The following OR1J2 variants were observed in gnomAD, a reference collection of about 807,000 sequenced individuals.
The protein encoded by OR1J2 is olfactory receptor 1J2.
For missense variants in OR1J2, 304 were observed against 246.1 expected (o/e 1.24, Z -1.57); for synonymous variants, 142 against 99.7 (o/e 1.42, Z -2.52).
chr9:122,559,004 G>C, the OR1J2 span, among the ~76,000 whole-genome samples: 1 of 151,968 alleles, frequency 6.6e-6, no homozygotes, highest in Non-Finnish European at 1.5e-5. Context: ...ATCAAACTAG[G>C]ATAATTCACA....
Position 122,510,937 on chromosome 9 carries a change from A to G in OR1J2, c.136A>G (p.Met46Val), listed in dbSNP as rs1472251374. 6.2e-7 allele frequency: 1 copy of G among 1,612,488 alleles called. No individual in the cohort carries two copies. The highest frequency in any genetic ancestry group is 1.7e-5 in the Admixed American group (1 of 60,004). The change falls in exon 1 of 1, where the codon ATG becomes GTG. Residue 46 changes from methionine (M) to valine (V), a missense_variant. Physicochemically the swap from Met to Val is conservative, Grantham distance 21 (BLOSUM62 1). Transcript: ENST00000335302. ...LTTVLGNLLI[M>V]LLIQLDSHLH... Reference sequence around the variant, plus strand: ...CACGGTGCTGGGGAACCTGCTCATCATGCTGCTCATCCAGCTGGACTCTCA... The same window carrying G: ...CACGGTGCTGGGGAACCTGCTCATCGTGCTGCTCATCCAGCTGGACTCTCA...
the OR1J2 span, among the ~76,000 whole-genome samples, chr9:122,497,743 C>G: frequency 6.6e-6 from 1 of 152,030 alleles, no homozygotes; most frequent in Non-Finnish European, 1.5e-5. Flanking sequence ...TCTAGTTCCT[C>G]TAAGTGTGAT....
chr9:122,508,175 G>A (rs1211536002), upstream of OR1J2, among the ~76,000 whole-genome samples: 2 of 148,880 alleles, frequency 1.3e-5, no homozygotes, highest in African/African-American at 5.0e-5. Context: ...AGGAGAAGAA[G>A]GAGAAGGGGA....
the OR1J2 span, among the ~76,000 whole-genome samples, chr9:122,474,500 T>G: frequency 3.9e-5 from 6 of 152,162 alleles, no homozygotes; most frequent in African/African-American, 1.4e-4. Context: ...GGCTAGTTGA[T>G]CAATGATATT....
At chr9:122,575,153 G>T in the OR1J2 span, among the ~76,000 whole-genome samples, 1 of 152,000 alleles carries the variant, frequency 6.6e-6, no homozygotes, top group Non-Finnish European at 1.5e-5. Context: ...CAGGTTTATA[G>T]TTTTCTTATA....
chr9:122,512,842 C>T (rs1828655840), downstream of OR1J2, among the ~76,000 whole-genome samples: 1 of 152,180 alleles, frequency 6.6e-6, no homozygotes, highest in African/African-American at 2.4e-5. Flanking sequence ...TTTCTAATGT[C>T]ACTCAAAATG....
chr9:122,549,686 A>G, the OR1J2 span, among the ~76,000 whole-genome samples: 1 of 151,938 alleles, frequency 6.6e-6, no homozygotes, highest in Non-Finnish European at 1.5e-5. Flanking sequence ...ATGTGGCTTT[A>G]TTTCCAGGTT....
chr9:122,559,954 G>A, the OR1J2 span, among the ~76,000 whole-genome samples: 1 of 152,152 alleles, frequency 6.6e-6, no homozygotes, highest in South Asian at 2.1e-4. Flanking sequence ...CTATTATTGT[G>A]TAGGTGTCTA....
At chr9:122,482,707 G>C in the OR1J2 span, among the ~76,000 whole-genome samples, 1 of 152,120 alleles carries the variant, frequency 6.6e-6, no homozygotes, top group African/African-American at 2.4e-5. Context: ...TGTCAGTGTG[G>C]CAACATGGAT....
the OR1J2 span, among the ~76,000 whole-genome samples, chr9:122,480,791 T>G: frequency 6.6e-6 from 1 of 151,960 alleles, no homozygotes; most frequent in Non-Finnish European, 1.5e-5. Flanking sequence ...TTTTTTATTT[T>G]ATTTTATTTT....
At chr9:122,553,498 C>T in the OR1J2 span, 35 of 1,613,956 alleles carry the variant, frequency 2.2e-5, no homozygotes, top group Non-Finnish European at 2.5e-5. Context: ...CAGATCATCT[C>T]GTATTCTGGG....
chr9:122,552,001 T>A, the OR1J2 span, among the ~76,000 whole-genome samples: 28,325 of 144,100 alleles, frequency 0.2, 3,117 homozygotes, highest in Middle Eastern at 0.24. Context: ...TGATCCATAA[T>A]CTGACAGGTG....
chr9:122,488,453 C>T, the OR1J2 span, among the ~76,000 whole-genome samples: 1 of 152,196 alleles, frequency 6.6e-6, no homozygotes. Flanking sequence ...CAGACTTCCT[C>T]CTTCCCACAT....
the OR1J2 span, among the ~76,000 whole-genome samples, chr9:122,564,953 T>G: frequency 7.9e-5 from 11 of 139,884 alleles, no homozygotes; most frequent in East Asian, 2.2e-3. Context: ...ATTGTGCCAA[T>G]TAGACCTAGT....
chr9:122,546,264 T>C, the OR1J2 span, among the ~76,000 whole-genome samples: 1 of 152,176 alleles, frequency 6.6e-6, no homozygotes, highest in Non-Finnish European at 1.5e-5. Flanking sequence ...GTGCAGGCTG[T>C]GGCAAATTAA....
chr9:122,548,784 T>C, the OR1J2 span, among the ~76,000 whole-genome samples: 1 of 85,142 alleles, frequency 1.2e-5, no homozygotes. Context: ...CGGTGTGTGA[T>C]GTTCCCCTTC....
the OR1J2 span, chr9:122,527,049 T>C: frequency 2.5e-6 from 4 of 1,614,182 alleles, no homozygotes; most frequent in Non-Finnish European, 2.5e-6. Flanking sequence ...AGTCTGTATA[T>C]TCACCAGCAT....
the OR1J2 span, among the ~76,000 whole-genome samples, chr9:122,466,488 T>C: frequency 1.3e-5 from 2 of 152,200 alleles, no homozygotes; most frequent in Admixed American, 6.5e-5. Context: ...AATGGAAAAC[T>C]ATGTCCACTT....
At chr9:122,575,445 G>T in the OR1J2 span, among the ~76,000 whole-genome samples, 1 of 152,046 alleles carries the variant, frequency 6.6e-6, no homozygotes, top group African/African-American at 2.4e-5. Flanking sequence ...GTCTTTCAAA[G>T]AATTTGTCCA....
Sources: gnomAD v4.1 joint callset for allele counts (sites outside exome capture counted in the v4.1 genomes callset) on GRCh38, gnomAD v4.1.1 for gene constraint, MANE v1.5 for transcripts, NCBI Gene and HGNC (gene_info 2026-07-23, HGNC 2026-07-21) for gene names.